The following PRKCH variants were observed in gnomAD, a reference collection of about 807,000 sequenced individuals.
PRKCH encodes protein kinase C eta type.
A neutral mutation model predicts 82.5 loss-of-function variants in PRKCH; 28 were observed. The ratio of observed to expected loss-of-function variants is 0.34; its 90% CI spans 0.25 to 0.47. PRKCH has a LOEUF of 0.47. Ranked by LOEUF, PRKCH falls within the 20% of genes least tolerant of loss-of-function variation. The pLI, the probability that PRKCH is intolerant of heterozygous loss-of-function variation, is 1.00. For synonymous variants in PRKCH, 322 were observed against 327.4 expected, an observed-to-expected ratio of 0.98 and a Z score of 0.18; for missense variants, 705 against 881.8, an observed-to-expected ratio of 0.80 and a Z score of 2.54.
intron 1 of PRKCH, among the ~76,000 whole-genome samples, chr14:61,203,860 T>C (rs1332124600): frequency 6.6e-6 from 1 of 151,786 alleles, no homozygotes; most frequent in Non-Finnish European, 1.5e-5. Flanking sequence ...ATAATAATAA[T>C]ATATTTCATA....
chr14:61,371,883 G>A (rs992884552), intron 1 of PRKCH, among the ~76,000 whole-genome samples: 2 of 151,900 alleles, frequency 1.3e-5, no homozygotes, highest in African/African-American at 4.8e-5. Context: ...TGGGAGATTT[G>A]TCTATTCTCC....
chr14:61,218,048 C>A (rs1417825510), intron 1 of PRKCH, among the ~76,000 whole-genome samples: 2 of 152,122 alleles, frequency 1.3e-5, no homozygotes, highest in African/African-American at 2.4e-5. Context: ...TCGGACCCGG[C>A]GCGTTTCGTT....
At chr14:61,246,465 C>T (rs904500847) in intron 1 of PRKCH, among the ~76,000 whole-genome samples, 1 of 151,678 alleles carries the variant, frequency 6.6e-6, no homozygotes, top group Non-Finnish European at 1.5e-5. Context: ...TGAATCCATG[C>T]CCCTCATTTC....
At chr14:61,355,162 TC>T (rs531539551) in intron 1 of PRKCH, among the ~76,000 whole-genome samples, 62 of 152,332 alleles carry the variant, frequency 4.1e-4, no homozygotes, top group African/African-American at 1.4e-3. Flanking sequence ...TTCCAGCAAG[TC>T]ATTTAATGTC....
intron 1 of PRKCH, among the ~76,000 whole-genome samples, chr14:61,223,773 A>G (rs977848145): frequency 1.3e-5 from 2 of 152,202 alleles, no homozygotes; most frequent in Admixed American, 6.5e-5. Flanking sequence ...GAGGCCCCTC[A>G]GAGCCAAATG....
intron 2 of PRKCH, among the ~76,000 whole-genome samples, chr14:61,396,513 G>A (rs1482917595): frequency 1.3e-5 from 2 of 152,144 alleles, no homozygotes; most frequent in Non-Finnish European, 1.5e-5. Context: ...TAGGAGGGAA[G>A]GCAGATACAT....
chr14:61,397,220 G>A (rs999572649), intron 2 of PRKCH, among the ~76,000 whole-genome samples: 1 of 152,194 alleles, frequency 6.6e-6, no homozygotes, highest in African/African-American at 2.4e-5. Flanking sequence ...CAATCCACTG[G>A]ATGTGGAGGA....
chr14:61,475,012 A>G (rs545148163), intron 9 of PRKCH, among the ~76,000 whole-genome samples: 6 of 152,360 alleles, frequency 3.9e-5, no homozygotes, highest in African/African-American at 1.4e-4. Context: ...CTAATCAACT[A>G]TAACCCAAAA....
At chr14:61,481,619 C>A (rs1400836550) in intron 9 of PRKCH, among the ~76,000 whole-genome samples, 2 of 152,114 alleles carry the variant, frequency 1.3e-5, no homozygotes, top group African/African-American at 4.8e-5. Flanking sequence ...CTTCTAATTG[C>A]AAGAGTAATA....
At position 61,232,173 on chromosome 14, in the gene PRKCH, T is replaced by C. The variant is rs530043707; in HGVS notation, c.-19+44505T>C. ...CTACGGTTTGAGTAATTTGTTAGAATGGCTCACAGAACACAGGGAAACACT... is the reference window on the plus strand; with the variant it reads ...CTACGGTTTGAGTAATTTGTTAGAACGGCTCACAGAACACAGGGAAACACT... On this transcript the variant is annotated intron_variant, in intron 1 of 3. Transcript: ENST00000555185. Among the ~76,000 whole-genome samples, 3 of 152,364 alleles carry C rather than the reference T, an allele frequency of 2.0e-5. No homozygotes were observed. The East Asian group carries it at 5.8e-4, about 29-fold the overall frequency.
At chr14:61,369,366 C>T (rs112403307) in intron 1 of PRKCH, among the ~76,000 whole-genome samples, 1 of 152,062 alleles carries the variant, frequency 6.6e-6, no homozygotes, top group Non-Finnish European at 1.5e-5. Context: ...TTCTTTAGAC[C>T]TAAGGGCTTT....
At chr14:61,281,870 C>CTTTTTTTTTTTTTTTTTT (rs71117807) in intron 1 of PRKCH, 1 of 94,866 alleles carries the variant, frequency 1.1e-5, no homozygotes, top group African/African-American at 5.0e-5. Context: ...CAAATTTTAG[C>CTTTTTTTTTTTTTTTTTT]TTTTTTTTTT....
intron 1 of PRKCH, among the ~76,000 whole-genome samples, chr14:61,259,123 C>T (rs2045023483): frequency 6.6e-6 from 1 of 152,188 alleles, no homozygotes; most frequent in African/African-American, 2.4e-5. Context: ...TGGAGGCAGG[C>T]TGGTTTCTTC....
intron 9 of PRKCH, among the ~76,000 whole-genome samples, chr14:61,466,286 C>G (rs551332690): frequency 1.8e-4 from 27 of 152,342 alleles, no homozygotes; most frequent in African/African-American, 5.5e-4. Context: ...GACCCCTGGT[C>G]TCTCAGAACC....
At chr14:61,477,054 T>G (rs1885759602) in intron 9 of PRKCH, 1 of 152,218 alleles carries the variant, frequency 6.6e-6, no homozygotes, top group Non-Finnish European at 1.5e-5. Flanking sequence ...TTGAACTCCC[T>G]GCTCACCCTG....
intron 1 of PRKCH, among the ~76,000 whole-genome samples, chr14:61,375,582 C>T (rs377128522): frequency 2.6e-5 from 4 of 151,894 alleles, no homozygotes; most frequent in South Asian, 2.1e-4. Flanking sequence ...GAAGCAAGCA[C>T]GTCTTATCAT....
chr14:61,421,258 T>C (rs2140245745), intron 2 of PRKCH, among the ~76,000 whole-genome samples: 1 of 152,130 alleles, frequency 6.6e-6, no homozygotes, highest in African/African-American at 2.4e-5. Context: ...ATATATACAA[T>C]CAGTTTCAGG....
At chr14:61,269,404 T>C (rs1382142228) in intron 1 of PRKCH, among the ~76,000 whole-genome samples, 1 of 152,162 alleles carries the variant, frequency 6.6e-6, no homozygotes, top group East Asian at 1.9e-4. Flanking sequence ...CACGTGCAGG[T>C]TTGTTACATA....
chr14:61,547,035 G>C (rs1434706512), intron 12 of PRKCH, among the ~76,000 whole-genome samples: 1 of 152,216 alleles, frequency 6.6e-6, no homozygotes, highest in Non-Finnish European at 1.5e-5. Context: ...ACATCGCTTA[G>C]CTGTGTGGCA....
Sources: allele counts gnomAD v4.1 joint callset (sites outside exome capture counted in the v4.1 genomes callset), GRCh38; gene constraint gnomAD v4.1.1; transcripts MANE v1.5; gene names NCBI Gene and HGNC (gene_info 2026-07-23, HGNC 2026-07-21).